Variants in MYOCD observed in about 807,000 individuals in gnomAD.
MYOCD encodes the protein myocardin.
Under a neutral mutation model 96.1 loss-of-function variants are expected in MYOCD, and 32 were observed. The observed-to-expected ratio is 0.33, with a 90% CI of 0.25 to 0.45. The LOEUF is 0.45. MYOCD is among the 20% of genes least tolerant of loss of function. The probability of loss-of-function intolerance (pLI) is 1.00; values close to 1 mark genes in which losing one functional copy is unlikely to be tolerated. For synonymous variants in MYOCD, 469 were observed against 469.0 expected (o/e 1.00, Z 0.00); for missense variants, 1,133 against 1,200.6 (o/e 0.94, Z 0.83).
chr17:12,684,010 A>T (rs949082533), intron 1 of MYOCD, among the ~76,000 whole-genome samples: 2 of 152,194 alleles, frequency 1.3e-5, no homozygotes, highest in Non-Finnish European at 2.9e-5. Context: ...GCTACCAATA[A>T]TCATAGTAAT....
chr17:12,749,546 ATGTATG>A, intron 9 of MYOCD, among the ~76,000 whole-genome samples: 1 of 148,494 alleles, frequency 6.7e-6, no homozygotes. Flanking sequence ...ATATATATAT[ATGTATG>A]TATATACATA....
chr17:12,725,390 T>C lies in MYOCD; in HGVS notation c.415+2382T>C, dbSNP rs540132650. Among the ~76,000 whole-genome samples, 11 of 149,056 alleles carry C rather than the reference T, an allele frequency of 7.4e-5. No homozygotes were observed. The South Asian group carries it at 2.3e-3, about 31-fold the overall frequency. ...ATTTTATTTATGAATATAGTATATA[T>C]TATTTATGCATTATACACACTTTAT... On this transcript the variant is annotated intron_variant, in intron 5 of 13. Coordinates refer to ENST00000425538, the MANE Select transcript of MYOCD (RefSeq NM_001146312.3).
intron 10 of MYOCD, among the ~76,000 whole-genome samples, chr17:12,754,064 GTGTGTGTGTGTA>G (rs944901139): frequency 7.5e-6 from 1 of 134,008 alleles, no homozygotes; most frequent in Non-Finnish European, 1.5e-5. Flanking sequence ...GCAAAGAGGT[GTGTGTGTGTGTA>G]TGTGTGTGTG....
At chr17:12,734,645 G>A (rs2032289045) in intron 5 of MYOCD, among the ~76,000 whole-genome samples, 2 of 151,108 alleles carry the variant, frequency 1.3e-5, no homozygotes, top group Non-Finnish European at 2.9e-5. Context: ...GGAGTAGCTG[G>A]GATTACAGGT....
intron 5 of MYOCD, among the ~76,000 whole-genome samples, chr17:12,725,396 A>T (rs2031966784): frequency 6.7e-6 from 1 of 149,012 alleles, no homozygotes. Context: ...TATATTATTT[A>T]TGCATTATAC....
intron 1 of MYOCD, among the ~76,000 whole-genome samples, chr17:12,666,848 TGGCACA>T (rs1229019468): frequency 6.6e-6 from 1 of 152,154 alleles, no homozygotes; most frequent in Non-Finnish European, 1.5e-5. Flanking sequence ...TCTGTGTTAG[TGGCACA>T]TGGAGAAACT....
At chr17:12,714,362 C>CACACACACACACACACACACACACACACA (rs1597772908) in intron 2 of MYOCD, among the ~76,000 whole-genome samples, 1 of 147,642 alleles carries the variant, frequency 6.8e-6, no homozygotes, top group Non-Finnish European at 1.5e-5. Flanking sequence ...CACACACACA[C>CACACACACACACACACACACACACACACA]CCCGATCTGG....
intron 1 of MYOCD, among the ~76,000 whole-genome samples, chr17:12,687,396 T>C (rs2030180396): frequency 6.6e-6 from 1 of 152,182 alleles, no homozygotes. Context: ...CCTTCCCACA[T>C]AGGCAAGGCA....
At chr17:12,676,874 G>C (rs1458193857) in intron 1 of MYOCD, among the ~76,000 whole-genome samples, 3 of 152,134 alleles carry the variant, frequency 2.0e-5, no homozygotes, top group African/African-American at 7.2e-5. Flanking sequence ...ATGCTTTTAA[G>C]CTCTCAACCC....
chr17:12,746,662 T>C (rs1397762486), intron 9 of MYOCD, among the ~76,000 whole-genome samples: 2 of 151,106 alleles, frequency 1.3e-5, no homozygotes. Flanking sequence ...CTCAGAATCA[T>C]TGGCTGGTGA....
chr17:12,710,774 C>T (rs2031457851), intron 2 of MYOCD, among the ~76,000 whole-genome samples: 1 of 152,182 alleles, frequency 6.6e-6, no homozygotes, highest in Non-Finnish European at 1.5e-5. Flanking sequence ...TGCCTCTTCC[C>T]TTCTTTCTAA....
intron 5 of MYOCD, among the ~76,000 whole-genome samples, chr17:12,734,504 CTTTTTTTTTTTTTTT>C (rs3050319): frequency 1.5e-5 from 1 of 65,470 alleles, no homozygotes; most frequent in Non-Finnish European, 2.6e-5. Context: ...ACACATGATC[CTTTTTTTTTTTTTTT>C]TTTTTTTTTG....
intron 1 of MYOCD, among the ~76,000 whole-genome samples, chr17:12,684,269 T>C (rs1424232493): frequency 6.6e-6 from 1 of 152,172 alleles, no homozygotes; most frequent in Non-Finnish European, 1.5e-5. Flanking sequence ...TCTCTTCCCA[T>C]CGTCTGAGCA....
At chr17:12,680,063 A>G (rs1293228222) in intron 1 of MYOCD, among the ~76,000 whole-genome samples, 1 of 152,236 alleles carries the variant, frequency 6.6e-6, no homozygotes, top group Non-Finnish European at 1.5e-5. Flanking sequence ...ATAATAGAAT[A>G]GTATATATCA....
chr17:12,693,510 T>C (rs1302937246), intron 1 of MYOCD, among the ~76,000 whole-genome samples: 2 of 151,932 alleles, frequency 1.3e-5, no homozygotes, highest in African/African-American at 4.8e-5. Context: ...CTCAGGAGGC[T>C]GAGGCAGGAG....
chr17:12,671,433 G>C (rs143926968), intron 1 of MYOCD, among the ~76,000 whole-genome samples: 9 of 152,232 alleles, frequency 5.9e-5, no homozygotes, highest in African/African-American at 2.2e-4. Flanking sequence ...GGAGGTAGGG[G>C]TGTAGCCGAA....
chr17:12,703,342 A>G (rs1431488029), intron 1 of MYOCD, among the ~76,000 whole-genome samples: 1 of 151,866 alleles, frequency 6.6e-6, no homozygotes, highest in African/African-American at 2.4e-5. Flanking sequence ...CTGTGAATAT[A>G]TTTGGTGTAG....
Position 12,755,336 on chromosome 17 carries a change from C to T in MYOCD, c.2059-1078C>T, listed in dbSNP as rs111847598. Among the ~76,000 whole-genome samples, 131 of 152,294 alleles carry T rather than the reference C, an allele frequency of 8.6e-4. No individual in the cohort carries two copies. The Middle Eastern group carries it at 0.01, about 12-fold the overall frequency. ...ATAAAATGATAAAGAACAGGCCAGGCGCACTGGCTCACACCTGTAATCCTA... is the reference window on the plus strand; with the variant it reads ...ATAAAATGATAAAGAACAGGCCAGGTGCACTGGCTCACACCTGTAATCCTA... On this transcript the variant is annotated intron_variant, in intron 10 of 13. Coordinates refer to ENST00000425538, the MANE Select transcript of MYOCD (RefSeq NM_001146312.3).
chr17:12,743,887 T>C (rs2032584404), intron 7 of MYOCD, among the ~76,000 whole-genome samples: 1 of 152,174 alleles, frequency 6.6e-6, no homozygotes. Flanking sequence ...AATGCACTCA[T>C]TGAAACACAG....
Sources: allele counts gnomAD v4.1 joint callset (sites outside exome capture counted in the v4.1 genomes callset), GRCh38; gene constraint gnomAD v4.1.1; transcripts MANE v1.5; gene names NCBI Gene and HGNC (gene_info 2026-07-23, HGNC 2026-07-21).